The following ZNF248 variants were observed in gnomAD, a reference collection of about 807,000 sequenced individuals.
The protein encoded by ZNF248 is zinc finger protein 248.
ZNF248 carries 20 observed loss-of-function variants against 44.3 expected under a neutral mutation model. The ratio of observed to expected loss-of-function variants is 0.45; its 90% CI spans 0.32 to 0.66. ZNF248 has a LOEUF of 0.66. Among genes scored for constraint, ZNF248 ranks in the 30% least tolerant of loss-of-function variants. The pLI is 0.04. For synonymous variants in ZNF248, 224 were observed against 229.0 expected (o/e 0.98, Z 0.20); for missense variants, 654 against 677.0 (o/e 0.97, Z 0.38).
chr10:37,793,932 A>C (rs934003642), intron 6 of ZNF248, among the ~76,000 whole-genome samples: 2 of 152,112 alleles, frequency 1.3e-5, no homozygotes, highest in Non-Finnish European at 2.9e-5. Context: ...CAGATGTATA[A>C]TTTTTTTAAA....
At chr10:37,780,206 A>C (rs2047117483) in intron 6 of ZNF248, among the ~76,000 whole-genome samples, 1 of 151,878 alleles carries the variant, frequency 6.6e-6, no homozygotes, top group African/African-American at 2.4e-5. Context: ...CCGCATCGCC[A>C]AGTCAATCCT....
the ZNF248 span, among the ~76,000 whole-genome samples, chr10:37,759,441 C>G: frequency 6.6e-6 from 1 of 152,164 alleles, no homozygotes; most frequent in African/African-American, 2.4e-5. Flanking sequence ...GCTTATGAAA[C>G]CCCTTAATGT....
At chr10:37,779,063 A>C (rs1256273102) in intron 6 of ZNF248, among the ~76,000 whole-genome samples, 2 of 152,232 alleles carry the variant, frequency 1.3e-5, no homozygotes, top group Non-Finnish European at 2.9e-5. Flanking sequence ...AGATGGATTC[A>C]CAGCCAAATT....
rs1378339760 is a variant in ZNF248, at chr10:37,832,508, A to C, written c.847T>G (p.Leu283Val). Residue 283 changes from leucine (L) to valine (V), a missense_variant, in exon 6 of 6, where the codon TTA (leucine) becomes GTA (valine). Coordinates refer to ENST00000395867, the MANE Select transcript of ZNF248 (RefSeq NM_021045.3). ...SICGKSFCMN[L>V]RFGHQRALTK... ...AGAGCTCTCTGATGTCCAAACCTTA[A>C]ATTCATGCAGAAGGACTTCCCGCAA... The C allele has an allele frequency of 3.1e-6, 5 of 1,613,830 alleles. No homozygotes were observed. Among genetic ancestry groups the C allele is most frequent in the Non-Finnish European group, 4.2e-6 (5 of 1,179,930 alleles).
At chr10:37,793,169 TA>T (rs2048759364) in intron 6 of ZNF248, among the ~76,000 whole-genome samples, 1 of 151,630 alleles carries the variant, frequency 6.6e-6, no homozygotes, top group African/African-American at 2.4e-5. Context: ...CCATCTCTAC[TA>T]AAAATACAAA....
At chr10:37,815,247 A>C (rs1309612225) in intron 6 of ZNF248, among the ~76,000 whole-genome samples, 2 of 151,902 alleles carry the variant, frequency 1.3e-5, no homozygotes, top group Non-Finnish European at 2.9e-5. Flanking sequence ...TTGTACTTTT[A>C]GTAGAGACAG....
At chr10:37,769,087 C>G in the ZNF248 span, among the ~76,000 whole-genome samples, 1 of 152,156 alleles carries the variant, frequency 6.6e-6, no homozygotes, top group Non-Finnish European at 1.5e-5. Context: ...AGTTGAATCT[C>G]TGAATAGACC....
In ZNF248 at chr10:37,838,103, C is replaced by T; in HGVS notation, c.24G>A (p.Val8=). The T allele has an allele frequency of 1.2e-6, 2 of 1,612,284 alleles. No homozygotes were observed. Among genetic ancestry groups the T allele is most frequent in the Non-Finnish European group, 1.7e-6 (2 of 1,178,962 alleles). ...AGTCCACACATACATCCTTGAATGA[C>T]ACTTGTTCCTGTAATAGTATACTCT... The part of the protein sequence containing the change: MNKSQEQ[V]SFKDVCVDFT... The change falls in exon 4 of 6, where the codon GTG becomes GTA. Residue 8 remains valine, a synonymous_variant. Coordinates refer to ENST00000395867, the MANE Select transcript of ZNF248 (RefSeq NM_021045.3).
chr10:37,845,092 T>C (rs918616075), intron 3 of ZNF248, among the ~76,000 whole-genome samples: 2 of 151,880 alleles, frequency 1.3e-5, no homozygotes. Flanking sequence ...CTAGGCTCAC[T>C]GCAACCTCTG....
At chr10:37,796,781 T>C (rs1211771142) in intron 6 of ZNF248, among the ~76,000 whole-genome samples, 3 of 152,140 alleles carry the variant, frequency 2.0e-5, no homozygotes, top group African/African-American at 4.8e-5. Flanking sequence ...CTGTAGTTTC[T>C]ACCATTTTGG....
At chr10:37,822,592 ATG>A (rs2053650077) in intron 6 of ZNF248, among the ~76,000 whole-genome samples, 1 of 152,110 alleles carries the variant, frequency 6.6e-6, no homozygotes. Flanking sequence ...TATTAATAAA[ATG>A]TCTCTGTTAT....
At chr10:37,819,777 G>C in intron 6 of ZNF248, 2 of 781,724 alleles carry the variant, frequency 2.6e-6, no homozygotes, top group South Asian at 2.7e-5. Context: ...CACTGTTTCT[G>C]CTCACTGGTT....
At chr10:37,763,087 T>A in the ZNF248 span, among the ~76,000 whole-genome samples, 1 of 152,120 alleles carries the variant, frequency 6.6e-6, no homozygotes, top group African/African-American at 2.4e-5. Context: ...CATGGACCTA[T>A]TGGACTGAAC....
intron 6 of ZNF248, chr10:37,821,048 T>A: frequency 1.0e-6 from 1 of 956,704 alleles, no homozygotes; most frequent in Non-Finnish European, 1.6e-6. Flanking sequence ...TACATAATTT[T>A]AATCAGTTAT....
chr10:37,770,460 T>C, the ZNF248 span, among the ~76,000 whole-genome samples: 10 of 152,086 alleles, frequency 6.6e-5, no homozygotes, highest in African/African-American at 2.4e-4. Flanking sequence ...CCCTCAGAAA[T>C]AATGCTGCAT....
chr10:37,838,634 T>A (rs1417670066), intron 3 of ZNF248, among the ~76,000 whole-genome samples: 1 of 151,858 alleles, frequency 6.6e-6, no homozygotes, highest in African/African-American at 2.4e-5. Flanking sequence ...CTCCGCTCAA[T>A]GAGATCATCT....
At chr10:37,811,336 G>A (rs971682112) in intron 6 of ZNF248, among the ~76,000 whole-genome samples, 3 of 152,074 alleles carry the variant, frequency 2.0e-5, no homozygotes, top group Non-Finnish European at 4.4e-5. Context: ...TGAAAATGCA[G>A]TTTTTATGTG....
intron 1 of ZNF248, chr10:37,856,808 C>T (rs2061374653): frequency 1.2e-6 from 1 of 822,762 alleles, no homozygotes; most frequent in Non-Finnish European, 1.5e-6. Context: ...TAATGAGAAA[C>T]TGTGATATAG....
chr10:37,759,194 G>A, the ZNF248 span, among the ~76,000 whole-genome samples: 1 of 152,322 alleles, frequency 6.6e-6, no homozygotes, highest in African/African-American at 2.4e-5. Flanking sequence ...CTAGACCCAT[G>A]TAAAAAAGTA....
Sources: gnomAD v4.1 joint callset for allele counts (sites outside exome capture counted in the v4.1 genomes callset) on GRCh38, gnomAD v4.1.1 for gene constraint, MANE v1.5 for transcripts, NCBI Gene and HGNC (gene_info 2026-07-23, HGNC 2026-07-21) for gene names.